The following LTBP1 variants were observed in gnomAD, a reference collection of about 807,000 sequenced individuals.
LTBP1 encodes the protein latent-transforming growth factor beta-binding protein 1.
LTBP1 carries 129 observed loss-of-function variants against 207.6 expected under a neutral mutation model. The ratio of observed to expected loss-of-function variants is 0.62; its 90% CI spans 0.54 to 0.72. LTBP1 has a LOEUF of 0.72. Ranked by LOEUF, LTBP1 falls within the 30% of genes least tolerant of loss-of-function variation. The probability of loss-of-function intolerance (pLI) is 0.00; values close to 1 mark genes in which losing one functional copy is unlikely to be tolerated. For synonymous variants in LTBP1, 963 were observed against 833.7 expected (o/e 1.16, Z -2.67); for missense variants, 2,281 against 2,217.2 (o/e 1.03, Z -0.58).
intron 7 of LTBP1, among the ~76,000 whole-genome samples, chr2:33,207,844 A>G (rs1322963195): frequency 2.0e-5 from 3 of 152,258 alleles, no homozygotes; most frequent in African/African-American, 4.8e-5. Flanking sequence ...ATTTGGAGCC[A>G]TAGTTGATTC....
chr2:33,207,007 A>G (rs887062159), intron 7 of LTBP1, among the ~76,000 whole-genome samples: 7 of 152,220 alleles, frequency 4.6e-5, no homozygotes, highest in Admixed American at 3.9e-4. Context: ...TCAGAATATA[A>G]TCATGATAAT....
chr2:32,990,604 G>T (rs993895548), intron 2 of LTBP1, among the ~76,000 whole-genome samples: 3 of 152,108 alleles, frequency 2.0e-5, no homozygotes, highest in Non-Finnish European at 4.4e-5. Flanking sequence ...TCATAAATTT[G>T]GATGCTTTTC....
intron 2 of LTBP1, among the ~76,000 whole-genome samples, chr2:32,984,414 C>T (rs1404187660): frequency 6.6e-6 from 1 of 152,154 alleles, no homozygotes; most frequent in Non-Finnish European, 1.5e-5. Context: ...ATCTCCTTTC[C>T]TGATGGTTTT....
intron 27 of LTBP1, 113 bp downstream of exon 27, chr2:33,360,892 G>A: frequency 1.2e-6 from 1 of 866,604 alleles, no homozygotes; most frequent in African/African-American, 1.7e-5. Flanking sequence ...TTACCTTATA[G>A]TGAGTTTCAT....
intron 9 of LTBP1, among the ~76,000 whole-genome samples, chr2:33,236,769 T>G (rs964898067): frequency 2.6e-5 from 4 of 152,240 alleles, no homozygotes; most frequent in Non-Finnish European, 4.4e-5. Flanking sequence ...TAATGTAATA[T>G]CTGTAGACTA....
intron 5 of LTBP1, among the ~76,000 whole-genome samples, chr2:33,145,828 A>C (rs1460138865): frequency 6.6e-6 from 1 of 152,242 alleles, no homozygotes; most frequent in East Asian, 1.9e-4. Context: ...ACCATTTTCC[A>C]AAAAGAAGCT....
chr2:32,966,922 C>A (rs1680097034), intron 2 of LTBP1, among the ~76,000 whole-genome samples: 1 of 152,096 alleles, frequency 6.6e-6, no homozygotes, highest in Non-Finnish European at 1.5e-5. Context: ...CTTCTTCTAT[C>A]TTCTGAGAGA....
chr2:33,009,072 G>A (rs1191534551), intron 2 of LTBP1, among the ~76,000 whole-genome samples: 5 of 152,192 alleles, frequency 3.3e-5, no homozygotes, highest in Non-Finnish European at 7.3e-5. Flanking sequence ...GAAGCCTTTG[G>A]AGGGTTTGAG....
chr2:33,373,623 T>C (rs1244013651), intron 31 of LTBP1, among the ~76,000 whole-genome samples: 1 of 152,154 alleles, frequency 6.6e-6, no homozygotes, highest in East Asian at 1.9e-4. Flanking sequence ...TTACTGTATA[T>C]AAATTATATA....
chr2:33,321,824 C>G (rs1318525182), intron 24 of LTBP1, among the ~76,000 whole-genome samples: 1 of 152,156 alleles, frequency 6.6e-6, no homozygotes, highest in Non-Finnish European at 1.5e-5. Flanking sequence ...ATTTTAACAA[C>G]AGAATCCACT....
intron 4 of LTBP1, among the ~76,000 whole-genome samples, chr2:33,130,568 C>A (rs1220927174): frequency 6.6e-6 from 1 of 152,138 alleles, no homozygotes; most frequent in African/African-American, 2.4e-5. Context: ...GTTAACAACC[C>A]CGAAGCAGAA....
chr2:33,262,442 A>G (rs1345298728), intron 13 of LTBP1, among the ~76,000 whole-genome samples: 1 of 152,062 alleles, frequency 6.6e-6, no homozygotes, highest in African/African-American at 2.4e-5. Context: ...TTACAAGATC[A>G]GACTTTGGGC....
At position 33,259,170 on chromosome 2, in the gene LTBP1, C is replaced by T. The variant is rs543957853; in HGVS notation, c.2396-418C>T. ...AAATAAGTGACATTCTTTTTTAACA[C>T]TTGACACCAGAAAGCATTTCAAACA... On this transcript the variant is annotated intron_variant, in intron 12 of 33. Coordinates refer to ENST00000404816, the MANE Select transcript of LTBP1 (RefSeq NM_206943.4). Among the ~76,000 whole-genome samples the T allele has an allele frequency of 1.1e-4, 16 of 152,328 alleles. 1 individual carries two copies. Among genetic ancestry groups the T allele is most frequent in the African/African-American group, 3.8e-4 (16 of 41,576 alleles).
At chr2:33,387,464 A>G (rs575639027) in intron 31 of LTBP1, among the ~76,000 whole-genome samples, 3 of 152,124 alleles carry the variant, frequency 2.0e-5, no homozygotes, top group Admixed American at 1.3e-4. Context: ...GTTTCATGCA[A>G]AAGTGCTGGG....
At chr2:33,243,545 T>C in intron 9 of LTBP1, 117 bp from the exon 10 acceptor site, 4 of 895,946 alleles carry the variant, frequency 4.5e-6, no homozygotes, top group East Asian at 5.4e-5. Context: ...TGCTACATCC[T>C]TTTTTCACTA....
intron 2 of LTBP1, among the ~76,000 whole-genome samples, chr2:33,020,063 A>C (rs140023179): frequency 6.6e-6 from 1 of 152,104 alleles, no homozygotes; most frequent in Non-Finnish European, 1.5e-5. Flanking sequence ...TTCAGAGTAC[A>C]TACATCCTTG....
chr2:33,035,237 T>A (rs2075866320), intron 3 of LTBP1, among the ~76,000 whole-genome samples: 1 of 152,252 alleles, frequency 6.6e-6, no homozygotes. Context: ...AGAGATTTTC[T>A]TGTGTAGTTT....
At chr2:32,964,696 A>C (rs182108189) in intron 2 of LTBP1, among the ~76,000 whole-genome samples, 1 of 152,188 alleles carries the variant, frequency 6.6e-6, no homozygotes, top group East Asian at 1.9e-4. Flanking sequence ...GAATTACCTA[A>C]ATACTAAGTA....
At chr2:33,152,221 G>GA (rs1003973303) in intron 5 of LTBP1, among the ~76,000 whole-genome samples, 4 of 151,994 alleles carry the variant, frequency 2.6e-5, no homozygotes, top group Non-Finnish European at 4.4e-5. Flanking sequence ...AAAGCAGTAA[G>GA]AAAAAAACAA....
Sources: allele counts gnomAD v4.1 joint callset (sites outside exome capture counted in the v4.1 genomes callset), GRCh38; gene constraint gnomAD v4.1.1; transcripts MANE v1.5; gene names NCBI Gene and HGNC (gene_info 2026-07-23, HGNC 2026-07-21).